Variants in CUBN observed in about 807,000 individuals in gnomAD.
CUBN encodes cubilin.
CUBN carries 282 observed loss-of-function variants against 405.3 expected under a neutral mutation model. The observed-to-expected ratio is 0.70, with a 90% CI of 0.63 to 0.77. The LOEUF (loss-of-function observed/expected upper bound fraction) is 0.77, where lower values mean the gene tolerates loss of function less well. Among genes scored for constraint, CUBN ranks in the 30% least tolerant of loss-of-function variants. CUBN has a pLI of 0.00. For missense variants in CUBN, 4,514 were observed against 4,475.2 expected, an observed-to-expected ratio of 1.01 and a Z score of -0.25; for synonymous variants, 1,684 against 1,617.0, an observed-to-expected ratio of 1.04 and a Z score of -0.99.
chr10:16,881,182 T>A (rs1840657703), intron 56 of CUBN, among the ~76,000 whole-genome samples: 1 of 152,168 alleles, frequency 6.6e-6, no homozygotes, highest in Non-Finnish European at 1.5e-5. Flanking sequence ...AAATTGCTGA[T>A]GCTGGATTGA....
Position 16,947,355 on chromosome 10 carries a change from G to C in CUBN, c.5222C>G (p.Thr1741Arg). Residue 1741 changes from threonine to arginine, a missense_variant, in exon 36 of 67, where the codon ACG becomes AGG. Thr to Arg is a moderately conservative substitution (Grantham distance 71). Around this residue, in one of 5 missense-constraint regions of CUBN, gnomAD observed 1,613 missense variants for 1,542.8 expected, o/e 1.05. Coordinates refer to ENST00000377833, the MANE Select transcript of CUBN (RefSeq NM_001081.4). ...VTASVSACGG[T>R]FYMAEGIFNS... is the part of the protein sequence containing the mutation. ...GAAGATGCCTTCAGCCATGTAGAACGTTCCACCACAAGCTGGAAGAAAATA... is the reference window on the plus strand; with the variant it reads ...GAAGATGCCTTCAGCCATGTAGAACCTTCCACCACAAGCTGGAAGAAAATA... 1 of 1,613,994 alleles carries C rather than the reference G, an allele frequency of 6.2e-7. No homozygotes were observed. Among genetic ancestry groups the C allele is most frequent in the Non-Finnish European group, 8.5e-7 (1 of 1,179,972 alleles).
intron 6 of CUBN, chr10:17,122,580 G>C (rs939849522): frequency 9.9e-6 from 6 of 607,202 alleles, no homozygotes; most frequent in Admixed American, 4.4e-5. Flanking sequence ...GTTAGAGCAA[G>C]GATTTCTTCA....
intron 31 of CUBN, among the ~76,000 whole-genome samples, chr10:16,982,265 G>A (rs1040760857): frequency 2.0e-5 from 3 of 152,124 alleles, no homozygotes; most frequent in Non-Finnish European, 2.9e-5. Flanking sequence ...TAATGGTAGC[G>A]CAGAAACTGA....
At chr10:16,894,390 T>C (rs1021411305) in intron 54 of CUBN, among the ~76,000 whole-genome samples, 8 of 152,168 alleles carry the variant, frequency 5.3e-5, no homozygotes, top group African/African-American at 1.4e-4. Flanking sequence ...TACAAAATAA[T>C]GAGGTTTAGG....
chr10:17,095,168 T>C (rs987947471), intron 14 of CUBN, among the ~76,000 whole-genome samples: 5 of 152,036 alleles, frequency 3.3e-5, no homozygotes, highest in African/African-American at 9.7e-5. Flanking sequence ...GGATAGTCTA[T>C]AATAAATGGT....
At chr10:17,059,797 G>A (rs1367949658) in intron 22 of CUBN, among the ~76,000 whole-genome samples, 3 of 152,200 alleles carry the variant, frequency 2.0e-5, no homozygotes, top group Non-Finnish European at 4.4e-5. Context: ...CAGATGACCA[G>A]TGCAGATTCA....
At chr10:16,853,652 T>C (rs541398223) in intron 59 of CUBN, among the ~76,000 whole-genome samples, 11 of 152,356 alleles carry the variant, frequency 7.2e-5, no homozygotes, top group Non-Finnish European at 1.2e-4. Flanking sequence ...GTCCCTGATA[T>C]ATTCACAGAG....
At chr10:16,901,541 C>A in intron 51 of CUBN, 82 bp from the exon 52 acceptor site, 1 of 1,552,910 alleles carries the variant, frequency 6.4e-7, no homozygotes, top group Non-Finnish European at 8.8e-7. Flanking sequence ...GTAATCATAA[C>A]CATCAGATTT....
intron 43 of CUBN, among the ~76,000 whole-genome samples, chr10:16,921,642 T>C (rs1842036063): frequency 6.6e-6 from 1 of 152,234 alleles, no homozygotes; most frequent in Non-Finnish European, 1.5e-5. Context: ...CTCCTCCTTT[T>C]ACTCTTCATG....
At chr10:16,825,106 C>T in intron 66 of CUBN, 24 bp from the exon 67 acceptor site, 1 of 1,513,268 alleles carries the variant, frequency 6.6e-7, no homozygotes, top group Non-Finnish European at 9.2e-7. Context: ...AAAAAGTATC[C>T]AATTATATAT....
chr10:17,065,550 CA>C lies in CUBN; in HGVS notation c.3096del (p.Tyr1032Ter), dbSNP rs386833781. On this transcript the variant is annotated frameshift_variant, in exon 22 of 67. Coordinates refer to ENST00000377833, the MANE Select transcript of CUBN (RefSeq NM_001081.4). LOFTEE classifies it high-confidence loss of function. ...LVFVTDSDLA[Y>X]EGFLINYEAI... The stretch of plus-strand genomic sequence containing the variant: ...GCTTCATAGTTTATTAAGAAGCCTT[CA>C]TAAGCGAGGTCGGAGTCAGTCACAA... The C allele has an allele frequency of 3.7e-6, 6 of 1,613,470 alleles. No individual in the cohort carries two copies. Among genetic ancestry groups the C allele is most frequent in the Non-Finnish European group, 5.1e-6 (6 of 1,179,642 alleles).
intron 58 of CUBN, among the ~76,000 whole-genome samples, chr10:16,873,499 A>G (rs1273963911): frequency 6.6e-6 from 1 of 152,078 alleles, no homozygotes; most frequent in Admixed American, 6.5e-5. Context: ...AGGCGGGAGG[A>G]TCACTTGAGG....
chr10:17,100,609 C>T (rs1564515065), intron 13 of CUBN, among the ~76,000 whole-genome samples: 1 of 152,096 alleles, frequency 6.6e-6, no homozygotes, highest in Non-Finnish European at 1.5e-5. Flanking sequence ...GTTGAACTGG[C>T]TAATATTACC....
chr10:16,927,474 G>A (rs962253349), intron 41 of CUBN, among the ~76,000 whole-genome samples: 1 of 152,178 alleles, frequency 6.6e-6, no homozygotes, highest in African/African-American at 2.4e-5. Context: ...GTATATATAA[G>A]CATGGAGGAA....
chr10:17,100,767 G>C (rs563121934), intron 13 of CUBN, among the ~76,000 whole-genome samples: 1 of 152,148 alleles, frequency 6.6e-6, no homozygotes, highest in Non-Finnish European at 1.5e-5. Flanking sequence ...AGGTGTGGGC[G>C]GAGTAGGCGG....
At chr10:16,991,641 TTTTTTA>T (rs1833590667) in intron 28 of CUBN, among the ~76,000 whole-genome samples, 2 of 151,666 alleles carry the variant, frequency 1.3e-5, no homozygotes. Flanking sequence ...GTTTTTTTTT[TTTTTTA>T]AATATTCTTT....
chr10:16,890,675 T>C (rs1840979449), intron 54 of CUBN, 148 bp from the exon 55 acceptor site: 2 of 836,024 alleles, frequency 2.4e-6, no homozygotes, highest in East Asian at 2.5e-5. Flanking sequence ...GTATTTTCTT[T>C]TGAGAATAAT....
intron 27 of CUBN, among the ~76,000 whole-genome samples, chr10:17,036,385 G>A (rs1293075794): frequency 6.6e-6 from 1 of 152,182 alleles, no homozygotes; most frequent in African/African-American, 2.4e-5. Context: ...CAGGGAGCAG[G>A]AGCAGAGCCT....
intron 38 of CUBN, among the ~76,000 whole-genome samples, chr10:16,938,252 T>C (rs970455175): frequency 2.6e-5 from 4 of 152,156 alleles, no homozygotes; most frequent in African/African-American, 9.7e-5. Context: ...GAAGAATTAA[T>C]GACAACAAAA....
Sources: allele counts gnomAD v4.1 joint callset (sites outside exome capture counted in the v4.1 genomes callset), GRCh38; gene constraint gnomAD v4.1.1; regional missense constraint gnomAD v4.1.1; transcripts MANE v1.5; gene names NCBI Gene and HGNC (gene_info 2026-07-23, HGNC 2026-07-21).